YEATS4: variants seen among roughly 807,000 people sequenced by gnomAD.
The protein encoded by YEATS4 is YEATS domain-containing protein 4.
A neutral mutation model predicts 30.1 loss-of-function variants in YEATS4; 17 were observed. That is an observed-to-expected ratio of 0.56 (90% CI 0.39 to 0.85). The LOEUF is 0.85. Among genes scored for constraint, YEATS4 ranks in the 40% least tolerant of loss-of-function variants. The pLI is 0.00. For missense variants in YEATS4, 142 were observed against 268.3 expected, an observed-to-expected ratio of 0.53 and a Z score of 3.29; for synonymous variants, 85 against 87.5, an observed-to-expected ratio of 0.97 and a Z score of 0.16.
the YEATS4 span, among the ~76,000 whole-genome samples, chr12:69,419,502 G>A: frequency 2.0e-5 from 3 of 152,116 alleles, no homozygotes; most frequent in African/African-American, 4.8e-5. Flanking sequence ...GATTACAGGT[G>A]TGAGCCACCA....
chr12:69,399,400 A>G, the YEATS4 span, among the ~76,000 whole-genome samples: 1 of 152,228 alleles, frequency 6.6e-6, no homozygotes, highest in Admixed American at 6.5e-5. Context: ...AAGCATATAA[A>G]AAGATGCTTA....
chr12:69,405,141 T>G, the YEATS4 span, among the ~76,000 whole-genome samples: 2 of 152,180 alleles, frequency 1.3e-5, no homozygotes, highest in Admixed American at 6.5e-5. Flanking sequence ...TACAAATAGT[T>G]TTGCCTCTAA....
chr12:69,368,165 C>A (rs1367498290), intron 4 of YEATS4, among the ~76,000 whole-genome samples: 1 of 152,086 alleles, frequency 6.6e-6, no homozygotes, highest in African/African-American at 2.4e-5. Context: ...ATAGTTAGCT[C>A]TTACAGAAAA....
chr12:69,392,062 A>T (rs1328712983), downstream of YEATS4, among the ~76,000 whole-genome samples: 2 of 152,134 alleles, frequency 1.3e-5, no homozygotes, highest in African/African-American at 2.4e-5. Context: ...CTCAATAAAA[A>T]TTTTTTTAAT....
At chr12:69,376,357 C>T (rs1449982105) in intron 6 of YEATS4, among the ~76,000 whole-genome samples, 2 of 152,182 alleles carry the variant, frequency 1.3e-5, no homozygotes, top group East Asian at 1.9e-4. Context: ...CAGAGTGAGA[C>T]TCTCTCTCAG....
chr12:69,421,250 A>G, the YEATS4 span, among the ~76,000 whole-genome samples: 7,846 of 152,238 alleles, frequency 0.052, 678 homozygotes, highest in African/African-American at 0.18. Flanking sequence ...TGCAATAAAC[A>G]TTCCTGTACA....
the YEATS4 span, among the ~76,000 whole-genome samples, chr12:69,402,299 G>C: frequency 1.3e-5 from 2 of 148,726 alleles, no homozygotes; most frequent in African/African-American, 2.5e-5. Flanking sequence ...CATGTCAAAA[G>C]TGAAAACCCC....
intron 6 of YEATS4, among the ~76,000 whole-genome samples, chr12:69,386,230 C>G (rs1205842165): frequency 6.6e-6 from 1 of 152,158 alleles, no homozygotes. Context: ...CCTTCGCAGT[C>G]TTACAAGTTG....
the YEATS4 span, among the ~76,000 whole-genome samples, chr12:69,416,756 T>A: frequency 6.6e-6 from 1 of 152,186 alleles, no homozygotes; most frequent in Non-Finnish European, 1.5e-5. Flanking sequence ...AAGAATTTTA[T>A]GGTGAGAGAT....
At chr12:69,417,153 A>ATTTTT in the YEATS4 span, among the ~76,000 whole-genome samples, 2 of 136,378 alleles carry the variant, frequency 1.5e-5, 1 homozygote, top group African/African-American at 5.5e-5. Flanking sequence ...ATTTTTTAAA[A>ATTTTT]ATTTTTTTTT....
chr12:69,365,568 C>T, intron 2 of YEATS4, 65 bp from the exon 3 acceptor site: 1 of 1,133,926 alleles, frequency 8.8e-7, no homozygotes, highest in Non-Finnish European at 1.3e-6. Context: ...TATATACGCT[C>T]AGTGTATTTT....
chr12:69,412,426 C>T, the YEATS4 span, among the ~76,000 whole-genome samples: 3 of 151,990 alleles, frequency 2.0e-5, no homozygotes, highest in Non-Finnish European at 4.4e-5. Flanking sequence ...CCGAGACAGG[C>T]AGATCACAAG....
At position 69,359,773 on chromosome 12, in the gene YEATS4, G is replaced by T. The variant is rs1436190226; in HGVS notation, c.-200G>T. On this transcript the variant is annotated 5_prime_UTR_variant, in exon 1 of 7. Coordinates refer to ENST00000247843, the MANE Select transcript of YEATS4 (RefSeq NM_006530.4). ...TTCGCGGCGTTCTCCACCTGCGCGG[G>T]CCTGAATGGCCTTCAGGAGCACAGT... The T allele has an allele frequency of 1.7e-6, 1 of 602,276 alleles. No homozygotes were observed. The highest frequency in any genetic ancestry group is 2.8e-6 in the Non-Finnish European group (1 of 353,296). 37.3% of individuals were successfully genotyped at this position (602,276 alleles called of 1,614,324 possible). A position where few individuals can be genotyped will look rare whatever the true frequency, so the allele number is the denominator to read the frequency against.
the YEATS4 span, among the ~76,000 whole-genome samples, chr12:69,414,053 C>T: frequency 0.016 from 2,421 of 152,070 alleles, 59 homozygotes; most frequent in African/African-American, 0.056. Flanking sequence ...CTATAAACTT[C>T]ATCTATCTAC....
downstream of YEATS4, among the ~76,000 whole-genome samples, chr12:69,391,080 A>AG (rs1381514431): frequency 6.6e-6 from 1 of 152,196 alleles, no homozygotes; most frequent in Non-Finnish European, 1.5e-5. Context: ...GATCACCTGA[A>AG]GTCAGGAGTT....
At chr12:69,420,275 C>G in the YEATS4 span, among the ~76,000 whole-genome samples, 1 of 151,938 alleles carries the variant, frequency 6.6e-6, no homozygotes, top group Non-Finnish European at 1.5e-5. Context: ...GCAGGGAGAC[C>G]AGGTGGGAAG....
the YEATS4 span, among the ~76,000 whole-genome samples, chr12:69,406,696 C>A: frequency 3.8e-3 from 573 of 152,170 alleles, 3 homozygotes; most frequent in African/African-American, 0.013. Context: ...ATGTCATGAA[C>A]TTTTTCTAGA....
At position 69,365,881 on chromosome 12, in the gene YEATS4, A is replaced by G. The variant is rs761855544; in HGVS notation, c.330A>G (p.Arg110=). ...TATTTTTCATTGACCCTAATGAAAGACCTGTGAGTAGCATTAATCTTTGTA... is the reference window on the plus strand; with the variant it reads ...TATTTTTCATTGACCCTAATGAAAGGCCTGTGAGTAGCATTAATCTTTGTA... ...IKIFFIDPNE[R]PVTLYHLLKL... is the part of the protein sequence containing the mutation. The change falls in exon 4 of 7, where the codon AGA becomes AGG. Residue 110 remains arginine, a synonymous_variant. Coordinates refer to ENST00000247843, the MANE Select transcript of YEATS4 (RefSeq NM_006530.4). 6.3e-7 allele frequency: 1 copy of G among 1,585,258 alleles called. No homozygotes were observed. Among genetic ancestry groups the G allele is most frequent in the Non-Finnish European group, 8.6e-7 (1 of 1,162,910 alleles).
intron 4 of YEATS4, among the ~76,000 whole-genome samples, chr12:69,370,124 A>G (rs1198092840): frequency 6.6e-6 from 1 of 152,226 alleles, no homozygotes; most frequent in Non-Finnish European, 1.5e-5. Flanking sequence ...TATTTTGCTG[A>G]AATAATCACA....
Sources: allele counts gnomAD v4.1 joint callset (sites outside exome capture counted in the v4.1 genomes callset), GRCh38; gene constraint gnomAD v4.1.1; transcripts MANE v1.5; gene names NCBI Gene and HGNC (gene_info 2026-07-23, HGNC 2026-07-21).